The following SGO2 variants were observed in gnomAD, a reference collection of about 807,000 sequenced individuals.
The protein encoded by SGO2 is shugoshin-like 2.
Under a neutral mutation model 99.5 loss-of-function variants are expected in SGO2, and 68 were observed. That is an observed-to-expected ratio of 0.68 (90% CI 0.56 to 0.84). The LOEUF (loss-of-function observed/expected upper bound fraction) is 0.84. Among genes scored for constraint, SGO2 ranks in the 40% least tolerant of loss-of-function variants. SGO2 has a pLI of 0.00. For synonymous variants in SGO2, 457 were observed against 487.1 expected, an observed-to-expected ratio of 0.94 and a Z score of 0.81; for missense variants, 1,350 against 1,436.7, an observed-to-expected ratio of 0.94 and a Z score of 0.97.
At position 200,526,906 on chromosome 2, in the gene SGO2, G is replaced by A. The variant is rs1021731272; in HGVS notation, c.-3+654G>A. Among the ~76,000 whole-genome samples the A allele has an allele frequency of 6.6e-6, 1 of 152,148 alleles. No individual in the cohort carries two copies. The highest frequency in any genetic ancestry group is 1.5e-5 in the Non-Finnish European group (1 of 68,012). On this transcript the variant is annotated intron_variant, in intron 1 of 8. Coordinates refer to ENST00000357799, the MANE Select transcript of SGO2 (RefSeq NM_152524.6). This position sits in a 1 kb window ranked among gnomAD's most constrained non-coding sequence, Gnocchi z 4.8. ...GAGTGCTGATAGTTTACCAGGTCCCGTACTAGACACTGTACATACATTGGC... is the reference window on the plus strand; with the variant it reads ...GAGTGCTGATAGTTTACCAGGTCCCATACTAGACACTGTACATACATTGGC...
intron 8 of SGO2, 31 bp downstream of exon 8, chr2:200,575,492 T>C: frequency 1.3e-6 from 2 of 1,500,020 alleles, no homozygotes; most frequent in Non-Finnish European, 1.8e-6. Flanking sequence ...TAGTATGCCA[T>C]TATAAAATAT....
chr2:200,527,481 C>T (rs2106296348), intron 1 of SGO2, among the ~76,000 whole-genome samples: 1 of 152,278 alleles, frequency 6.6e-6, no homozygotes, highest in Non-Finnish European at 1.5e-5. Flanking sequence ...CCTGGCAAAA[C>T]GTTTAAAAGA....
chr2:200,563,850 G>T (rs949395001), intron 5 of SGO2, among the ~76,000 whole-genome samples: 7 of 152,152 alleles, frequency 4.6e-5, no homozygotes, highest in African/African-American at 1.7e-4. Context: ...TTGCATAGAG[G>T]TGTTTGTAGT....
chr2:200,568,626 C>T (rs2033282894), intron 5 of SGO2, among the ~76,000 whole-genome samples: 1 of 152,156 alleles, frequency 6.6e-6, no homozygotes, highest in African/African-American at 2.4e-5. Flanking sequence ...CATCACTTCA[C>T]AGCTGTTATA....
At chr2:200,569,602 A>G (rs1275055039) in intron 5 of SGO2, 61 bp from the exon 6 acceptor site, 1 of 1,242,778 alleles carries the variant, frequency 8.0e-7, no homozygotes, top group Non-Finnish European at 1.1e-6. Context: ...ATAACTGCCC[A>G]TGCATTTAAA....
rs140800941 is a variant in SGO2 at position 200,547,120 on chromosome 2, C to T, written c.473+4456C>T. 2.8e-3 allele frequency among the ~76,000 whole-genome samples: 419 copies of T among 152,240 alleles called. 2 individuals carry two copies. Among genetic ancestry groups the T allele is most frequent in the African/African-American group, 9.5e-3 (395 of 41,532 alleles). On this transcript the variant is annotated intron_variant, in intron 5 of 8. Transcript: ENST00000357799. ...AAAGACAAAGAGAAGATCCTAAAAG[C>T]AATGAGAGATAAGAAGCAAATAACA...
At position 200,542,564 on chromosome 2, in the gene SGO2, T is replaced by C. The variant is rs1009485356; in HGVS notation, c.388-15T>C. On this transcript the variant is annotated splice_polypyrimidine_tract_variant and intron_variant, in intron 4 of 8. Coordinates refer to ENST00000357799, the MANE Select transcript of SGO2 (RefSeq NM_152524.6). ...AGGTTAGAAACTTTGTTTTCTTTAT[T>C]TTTTTCAAAAATAGTTCCATCAGAG... 7.5e-6 allele frequency: 12 copies of C among 1,601,810 alleles called. No homozygotes were observed. In the African/African-American group the frequency reaches 1.1e-4, roughly 14 times the overall value.
Position 200,573,009 on chromosome 2 carries a change from A to C in SGO2, c.2663A>C (p.Lys888Thr). Residue 888 changes from lysine (K) to threonine (T), a missense_variant, in exon 7 of 9, where the codon AAG becomes ACG. Lys to Thr is a moderately conservative substitution (Grantham distance 78). Transcript: ENST00000357799. ...ACCCAGAATATATTGGAGTTGAAAA[A>C]GTATGTTACTGATAGGAAATCTGCT... is the stretch of plus-strand genomic sequence containing the variant. ...YDTQNILELK[K>T]YVTDRKSAEQ... The C allele has an allele frequency of 6.4e-7, 1 of 1,573,486 alleles. No individual in the cohort carries two copies. The highest frequency in any genetic ancestry group is 8.6e-7 in the Non-Finnish European group (1 of 1,165,774).
chr2:200,563,701 G>A (rs1381801123), intron 5 of SGO2, among the ~76,000 whole-genome samples: 1 of 152,070 alleles, frequency 6.6e-6, no homozygotes, highest in Non-Finnish European at 1.5e-5. Context: ...ACTTTTTTTG[G>A]TTGGTAGGCT....
At chr2:200,549,615 A>G (rs1040238633) in intron 5 of SGO2, among the ~76,000 whole-genome samples, 15 of 152,320 alleles carry the variant, frequency 9.8e-5, no homozygotes, top group Non-Finnish European at 1.9e-4. Context: ...AAATCAATCA[A>G]TGTGATTCAC....
At chr2:200,569,291 A>G (rs1006841473) in intron 5 of SGO2, among the ~76,000 whole-genome samples, 1 of 152,146 alleles carries the variant, frequency 6.6e-6, no homozygotes, top group African/African-American at 2.4e-5. Context: ...AACCAAAGGA[A>G]GATTTTTGGG....
In SGO2 at chr2:200,542,562, A is replaced by C. The variant is rs1553558350; in HGVS notation, c.388-17A>C. ...TAAGGTTAGAAACTTTGTTTTCTTT[A>C]TTTTTTTCAAAAATAGTTCCATCAG... On this transcript the variant is annotated splice_polypyrimidine_tract_variant and intron_variant, in intron 4 of 8. Coordinates refer to ENST00000357799, the MANE Select transcript of SGO2 (RefSeq NM_152524.6). The C allele has an allele frequency of 6.3e-7, 1 of 1,598,226 alleles. No homozygotes were observed.
chr2:200,541,898 C>G (rs964399443), intron 4 of SGO2, among the ~76,000 whole-genome samples: 1 of 152,160 alleles, frequency 6.6e-6, no homozygotes, highest in African/African-American at 2.4e-5. Context: ...ATCTATTTGT[C>G]TTATCATTAT....
At chr2:200,561,664 C>G (rs1390370176) in intron 5 of SGO2, among the ~76,000 whole-genome samples, 1 of 152,224 alleles carries the variant, frequency 6.6e-6, no homozygotes. Context: ...AACTAGTTTA[C>G]AGTCCCACCA....
In SGO2 at chr2:200,573,794, TCTTC is replaced by T; in HGVS notation, c.3452_3455del (p.Ser1151LeufsTer8). The T allele has an allele frequency of 3.1e-6, 5 of 1,612,512 alleles. No individual in the cohort carries two copies. Among genetic ancestry groups the T allele is most frequent in the Non-Finnish European group, 4.2e-6 (5 of 1,179,236 alleles). On this transcript the variant is annotated frameshift_variant, in exon 7 of 9. Transcript: ENST00000357799. LOFTEE classifies it high-confidence loss of function. The stretch of plus-strand genomic sequence containing the variant: ...GATACATTCACCTAACATACAAGAT[TCTTC>T]CTTTGACAGTGTTCGTGAAGGTTTA...
Position 200,584,077 on chromosome 2 carries a change from T to C in SGO2, c.*613T>C, listed in dbSNP as rs2033918265. ...TTACTCTTCCAGTAATAAGTAGTAA[T>C]AAATCCTGTTCATATCTGAGATCAA... On this transcript the variant is annotated 3_prime_UTR_variant, in exon 9 of 9. Transcript: ENST00000357799. Among the ~76,000 whole-genome samples, 1 of 152,258 alleles carries C rather than the reference T, an allele frequency of 6.6e-6. No individual in the cohort carries two copies. Among genetic ancestry groups the C allele is most frequent in the Admixed American group, 6.5e-5 (1 of 15,290 alleles).
At position 200,572,409 on chromosome 2, in the gene SGO2, T is replaced by G. The variant is rs780645979; in HGVS notation, c.2063T>G (p.Val688Gly). ...CAATGTGACTATAGGACCCAGAATG[T>G]GTTGGGTTTGCAAAAGCAGATCACC... is the stretch of plus-strand genomic sequence containing the variant. ...ENQCDYRTQN[V>G]LGLQKQITNM... is the part of the protein sequence containing the mutation. The change falls in exon 7 of 9, where the codon GTG (valine) becomes GGG (glycine). Residue 688 changes from valine (V) to glycine (G), a missense_variant. Physicochemically the swap from Val to Gly is moderately radical, Grantham distance 109. Transcript: ENST00000357799. The G allele has an allele frequency of 9.3e-6, 15 of 1,613,366 alleles. No individual in the cohort carries two copies. In the South Asian group the frequency reaches 1.6e-4, roughly 18 times the overall value.
chr2:200,541,209 G>C (rs943333715), intron 4 of SGO2, among the ~76,000 whole-genome samples: 3 of 152,202 alleles, frequency 2.0e-5, no homozygotes, highest in African/African-American at 7.2e-5. Context: ...TTTTGGAGGA[G>C]AGATTCAAAA....
At position 200,583,558 on chromosome 2, in the gene SGO2, A is replaced by AG; in HGVS notation, c.*96dup. The AG allele has an allele frequency of 1.6e-6, 2 of 1,215,438 alleles. No individual in the cohort carries two copies. Among genetic ancestry groups the AG allele is most frequent in the South Asian group, 1.6e-5 (1 of 61,504 alleles). The allele number at this position is 1,215,438 out of a possible 1,614,324, so 75.3% of individuals were successfully genotyped here. A position where few individuals can be genotyped will look rare whatever the true frequency, so the allele number is the denominator to read the frequency against. On this transcript the variant is annotated 3_prime_UTR_variant, in exon 9 of 9. Coordinates refer to ENST00000357799, the MANE Select transcript of SGO2 (RefSeq NM_152524.6). ...CAAGAAGATGAAATGCTTAATGAAAAGGTTTTTTTTTTGTTTCTTTGGCCT... is the reference window on the plus strand; with the variant it reads ...CAAGAAGATGAAATGCTTAATGAAAAGGGTTTTTTTTTTGTTTCTTTGGCCT...
Sources: allele counts gnomAD v4.1 joint callset (sites outside exome capture counted in the v4.1 genomes callset), GRCh38; gene constraint gnomAD v4.1.1; non-coding constraint Gnocchi (gnomAD v3.1); transcripts MANE v1.5; gene names NCBI Gene and HGNC (gene_info 2026-07-23, HGNC 2026-07-21).